Variants in SOHLH2 observed in about 807,000 individuals in gnomAD.
SOHLH2 encodes the protein spermatogenesis- and oogenesis-specific basic helix-loop-helix-containing protein 2.
A neutral mutation model predicts 50.4 loss-of-function variants in SOHLH2; 22 were observed. The observed-to-expected ratio is 0.44, with a 90% CI of 0.31 to 0.62. The LOEUF is 0.62. Ranked by LOEUF, SOHLH2 falls within the 20% of genes least tolerant of loss-of-function variation. The pLI is 0.08. For missense variants in SOHLH2, 412 were observed against 504.4 expected (o/e 0.82, Z 1.76); for synonymous variants, 185 against 187.3 (o/e 0.99, Z 0.10).
At chr13:36,207,263 G>A (rs923771445) in intron 1 of SOHLH2, among the ~76,000 whole-genome samples, 1 of 151,868 alleles carries the variant, frequency 6.6e-6, no homozygotes, top group Admixed American at 6.6e-5. Context: ...AATGTGAAAT[G>A]ACCTTATTCC....
At chr13:36,180,289 C>A (rs559912994) in intron 6 of SOHLH2, among the ~76,000 whole-genome samples, 26 of 152,244 alleles carry the variant, frequency 1.7e-4, no homozygotes, top group South Asian at 6.2e-4. Flanking sequence ...CCTCCTCCCC[C>A]TTCACCACCC....
intron 9 of SOHLH2, 129 bp downstream of exon 9, chr13:36,173,563 G>T: frequency 9.3e-7 from 1 of 1,079,842 alleles, no homozygotes; most frequent in Non-Finnish European, 1.4e-6. Flanking sequence ...ACCTGAGGCT[G>T]ACAATACCAG....
intron 1 of SOHLH2, among the ~76,000 whole-genome samples, chr13:36,213,231 CTAGA>C: frequency 6.6e-6 from 1 of 152,266 alleles, no homozygotes; most frequent in East Asian, 1.9e-4. Flanking sequence ...TTATGTTCTA[CTAGA>C]TAATCAGATA....
chr13:36,169,135 T>A, intron 10 of SOHLH2, 81 bp from the exon 11 acceptor site: 1 of 1,497,478 alleles, frequency 6.7e-7, no homozygotes, highest in Non-Finnish European at 8.9e-7. Flanking sequence ...ATTTTCTATA[T>A]CCTAAAACAA....
chr13:36,192,743 G>T (rs1455311222), intron 4 of SOHLH2, among the ~76,000 whole-genome samples: 3 of 152,076 alleles, frequency 2.0e-5, no homozygotes, highest in Non-Finnish European at 4.4e-5. Context: ...CAAGTTAATT[G>T]ACATATCTAT....
intron 5 of SOHLH2, among the ~76,000 whole-genome samples, chr13:36,190,452 A>G (rs1887543182): frequency 6.6e-6 from 1 of 152,196 alleles, no homozygotes; most frequent in Admixed American, 6.5e-5. Context: ...CCCTAGGCCA[A>G]CCCAACCAGC....
intron 4 of SOHLH2, among the ~76,000 whole-genome samples, chr13:36,193,051 C>T (rs1887620591): frequency 2.6e-5 from 4 of 152,090 alleles, no homozygotes; most frequent in African/African-American, 9.7e-5. Context: ...TGGAGTCTGT[C>T]CTTTCACAAG....
chr13:36,185,017 C>T (rs4624035), intron 6 of SOHLH2, among the ~76,000 whole-genome samples: 4,376 of 152,098 alleles, frequency 0.029, 113 homozygotes, highest in African/African-American at 0.072. Context: ...TGAGACCATG[C>T]GGTATTTGGT....
Position 36,170,558 on chromosome 13 carries a change from C to A in SOHLH2, c.1230G>T (p.Gln410His). 6.2e-7 allele frequency: 1 copy of A among 1,614,118 alleles called. No homozygotes were observed. The highest frequency in any genetic ancestry group is 1.3e-5 in the African/African-American group (1 of 75,044). Residue 410 changes from glutamine (Q) to histidine (H), a missense_variant, in exon 10 of 11, where the codon CAG becomes CAT. Gln to His is a conservative substitution (Grantham distance 24, BLOSUM62 0). Coordinates refer to ENST00000379881, the MANE Select transcript of SOHLH2 (RefSeq NM_017826.3). ...GACAGTTGGGATGTGTAGTGCACGTCTGGCCCAACCCAGAAGTGCAGTGCC... is the reference window on the plus strand; with the variant it reads ...GACAGTTGGGATGTGTAGTGCACGTATGGCCCAACCCAGAAGTGCAGTGCC... ...LPRHCTSGLG[Q>H]TCTTHPNCLQ...
intron 6 of SOHLH2, chr13:36,182,045 A>G (rs1887271092): frequency 2.2e-5 from 22 of 981,800 alleles, no homozygotes; most frequent in South Asian, 4.7e-5. Context: ...TTAAAAACCA[A>G]TAGTATATAT....
At chr13:36,179,363 A>G (rs923929675) in intron 6 of SOHLH2, among the ~76,000 whole-genome samples, 3 of 152,128 alleles carry the variant, frequency 2.0e-5, no homozygotes, top group Non-Finnish European at 4.4e-5. Context: ...AGAATTTGTT[A>G]ATCACATGGT....
At chr13:36,203,708 A>G (rs897382460) in intron 1 of SOHLH2, among the ~76,000 whole-genome samples, 3 of 152,298 alleles carry the variant, frequency 2.0e-5, no homozygotes, top group Middle Eastern at 3.4e-3. Context: ...AAAATTTTGT[A>G]TTGTGAGCAA....
At chr13:36,206,962 C>T (rs963332380) in intron 1 of SOHLH2, among the ~76,000 whole-genome samples, 4 of 151,518 alleles carry the variant, frequency 2.6e-5, no homozygotes, top group Admixed American at 6.6e-5. Flanking sequence ...GCAAATACTA[C>T]TATATAAAAC....
At chr13:36,174,346 G>A in intron 8 of SOHLH2, 130 bp downstream of exon 8, 1 of 1,177,684 alleles carries the variant, frequency 8.5e-7, no homozygotes, top group Non-Finnish European at 1.2e-6. Context: ...TCGGCAATTA[G>A]AAAAGTTCGC....
intron 6 of SOHLH2, among the ~76,000 whole-genome samples, chr13:36,184,384 G>A (rs1028690632): frequency 6.7e-6 from 1 of 149,328 alleles, no homozygotes; most frequent in African/African-American, 2.5e-5. Context: ...TAAAGGAAAA[G>A]TTTTAGCTTT....
intron 2 of SOHLH2, among the ~76,000 whole-genome samples, chr13:36,195,393 T>A (rs961432095): frequency 6.6e-6 from 1 of 152,006 alleles, no homozygotes; most frequent in African/African-American, 2.4e-5. Flanking sequence ...GTACAAGATG[T>A]CCAGGAAAGC....
chr13:36,176,311 C>T (rs919457682), intron 6 of SOHLH2, among the ~76,000 whole-genome samples: 5 of 152,130 alleles, frequency 3.3e-5, no homozygotes, highest in Non-Finnish European at 1.5e-5. Flanking sequence ...AGGCATATGT[C>T]ACATTCAGAA....
intron 2 of SOHLH2, among the ~76,000 whole-genome samples, chr13:36,198,061 T>A (rs1887785251): frequency 2.6e-5 from 4 of 152,214 alleles, no homozygotes. Flanking sequence ...TAGATCTCCG[T>A]GGCTCACAAG....
At position 36,196,126 on chromosome 13, in the gene SOHLH2, A is replaced by AG. The variant is rs71084410; in HGVS notation, c.264-2260_264-2259insC. On this transcript the variant is annotated intron_variant, in intron 2 of 10. Coordinates refer to ENST00000379881, the MANE Select transcript of SOHLH2 (RefSeq NM_017826.3). ...TAGATAGATAGATAGATAGATAGAT[A>AG]ATTTTTTTTTTTTTTTTGAGACAAG... 7.1e-3 allele frequency among the ~76,000 whole-genome samples: 956 copies of AG among 135,266 alleles called. 7 individuals are homozygous for AG. Among genetic ancestry groups the AG allele is most frequent in the African/African-American group, 0.021 (712 of 34,246 alleles). 88.7% of individuals were successfully genotyped at this position (135,266 alleles called of 152,430 possible). A position where few individuals can be genotyped will look rare whatever the true frequency, so the allele number is the denominator to read the frequency against.
Sources: gnomAD v4.1 joint callset for allele counts (sites outside exome capture counted in the v4.1 genomes callset) on GRCh38, gnomAD v4.1.1 for gene constraint, MANE v1.5 for transcripts, NCBI Gene and HGNC (gene_info 2026-07-23, HGNC 2026-07-21) for gene names.